The following STMND1 variants were observed in gnomAD, a reference collection of about 807,000 sequenced individuals.
STMND1 encodes the protein stathmin domain containing 1.
A neutral mutation model predicts 23.0 loss-of-function variants in STMND1; 17 were observed. The observed-to-expected ratio is 0.74, with a 90% CI of 0.51 to 1.11. The LOEUF (loss-of-function observed/expected upper bound fraction) is 1.11, where lower values mean the gene tolerates loss of function less well. STMND1 is among the 50% of genes least tolerant of loss of function. The probability of loss-of-function intolerance (pLI) is 0.00; values close to 1 mark genes in which losing one functional copy is unlikely to be tolerated. For missense variants in STMND1, 305 were observed against 329.1 expected (o/e 0.93, Z 0.57); for synonymous variants, 114 against 119.9 (o/e 0.95, Z 0.32).
At chr6:17,129,849 A>T (rs1218020108) in intron 4 of STMND1, among the ~76,000 whole-genome samples, 1 of 151,860 alleles carries the variant, frequency 6.6e-6, no homozygotes, top group Non-Finnish European at 1.5e-5. Flanking sequence ...GTCTCCAAAA[A>T]AAAGAAAAAA....
intron 1 of STMND1, among the ~76,000 whole-genome samples, chr6:17,108,449 T>C (rs1348827465): frequency 6.6e-6 from 1 of 152,190 alleles, no homozygotes; most frequent in Non-Finnish European, 1.5e-5. Flanking sequence ...CACTTGGAAA[T>C]GTTAAATGAC....
At chr6:17,109,907 A>C (rs1761075084) in intron 1 of STMND1, among the ~76,000 whole-genome samples, 1 of 152,194 alleles carries the variant, frequency 6.6e-6, no homozygotes. Context: ...AATCCTACAC[A>C]GGATTCCTGT....
At position 17,103,559 on chromosome 6, in the gene STMND1, C is replaced by T. The variant is rs76509376; in HGVS notation, c.81+1221C>T. ...ACTGCCACTGTCTCTGTATAGGGAC[C>T]CATTACCTTTTTTTTTTTTTTTTTT... On this transcript the variant is annotated intron_variant, in intron 1 of 4. Transcript: ENST00000536551. Among the ~76,000 whole-genome samples, 1,432 of 145,488 alleles carry T rather than the reference C, an allele frequency of 9.8e-3. 17 individuals are homozygous for T. The highest frequency in any genetic ancestry group is 0.033 in the African/African-American group (1,293 of 39,296).
intron 3 of STMND1, among the ~76,000 whole-genome samples, chr6:17,126,063 TATATA>T (rs1208218012): frequency 6.8e-4 from 19 of 27,822 alleles, no homozygotes; most frequent in Admixed American, 8.6e-4. Context: ...TATATATATA[TATATA>T]TATTTTTTTT....
At chr6:17,111,593 T>C (rs1761097808) in intron 1 of STMND1, among the ~76,000 whole-genome samples, 1 of 152,204 alleles carries the variant, frequency 6.6e-6, no homozygotes, top group Non-Finnish European at 1.5e-5. Flanking sequence ...GGTAGACCTA[T>C]GTATGTTGAC....
At chr6:17,116,275 A>T (rs1761159248) in intron 2 of STMND1, among the ~76,000 whole-genome samples, 1 of 152,152 alleles carries the variant, frequency 6.6e-6, no homozygotes, top group African/African-American at 2.4e-5. Flanking sequence ...ACCAAAGCAG[A>T]TGTTCCTAAA....
chr6:17,128,984 A>AT (rs1761347401), intron 3 of STMND1, 128 bp from the exon 4 acceptor site: 1 of 965,116 alleles, frequency 1.0e-6, no homozygotes, highest in South Asian at 1.8e-5. Context: ...AAGTGCCGGG[A>AT]TTACAGGCAT....
rs996263062 is a variant in STMND1, at chr6:17,129,522, C to G, written c.543+279C>G. ...GAGTAGCTAGGACTACAGGCCCATA[C>G]CACTACATGAGGCTGATTTAAAAAA... On this transcript the variant is annotated intron_variant, in intron 4 of 4. Coordinates refer to ENST00000536551, the MANE Select transcript of STMND1 (RefSeq NM_001190766.2). Among the ~76,000 whole-genome samples the G allele has an allele frequency of 4.0e-5, 6 of 148,450 alleles. No homozygotes were observed. The Admixed American group carries it at 4.1e-4, about 10-fold the overall frequency.
chr6:17,110,855 T>C (rs1761088683), intron 1 of STMND1: 1 of 455,922 alleles, frequency 2.2e-6, no homozygotes, highest in Non-Finnish European at 4.4e-6. Flanking sequence ...TTATCTCTTC[T>C]GGAGACACTG....
chr6:17,113,127 T>G (rs1216719847), intron 1 of STMND1, among the ~76,000 whole-genome samples: 1 of 152,244 alleles, frequency 6.6e-6, no homozygotes, highest in Non-Finnish European at 1.5e-5. Context: ...ATGTTAGTAG[T>G]GCTTCTGTCT....
chr6:17,112,674 G>A (rs2113479446), intron 1 of STMND1, among the ~76,000 whole-genome samples: 1 of 152,298 alleles, frequency 6.6e-6, no homozygotes, highest in Non-Finnish European at 1.5e-5. Flanking sequence ...CTACTCAGGA[G>A]GCTGAGGCAG....
At chr6:17,114,378 C>G (rs1339188252) in intron 1 of STMND1, among the ~76,000 whole-genome samples, 2 of 151,906 alleles carry the variant, frequency 1.3e-5, no homozygotes, top group African/African-American at 2.4e-5. Flanking sequence ...GATTCTCCTG[C>G]CTCAGCCTCC....
Position 17,115,010 on chromosome 6 carries a change from G to C in STMND1, c.130G>C (p.Glu44Gln), listed in dbSNP as rs889080265. The C allele has an allele frequency of 7.8e-6, 12 of 1,534,110 alleles. No homozygotes were observed. In the African/African-American group the frequency reaches 1.6e-4, roughly 21 times the overall value. ...HTGENCSPRM[E>Q]AALTKNTVDI... is the part of the protein sequence containing the mutation. Reference sequence around the variant, plus strand: ...TGGGGAAAATTGCAGCCCCCGGATGGAAGCTGCTCTGACCAAGAATACTGT... The same window carrying C: ...TGGGGAAAATTGCAGCCCCCGGATGCAAGCTGCTCTGACCAAGAATACTGT... Residue 44 changes from glutamate (E) to glutamine (Q), a missense_variant, in exon 2 of 5, where the codon GAA (glutamate) becomes CAA (glutamine). Transcript: ENST00000536551.
intron 2 of STMND1, among the ~76,000 whole-genome samples, chr6:17,120,371 A>T (rs1761216507): frequency 6.6e-6 from 1 of 152,240 alleles, no homozygotes; most frequent in Admixed American, 6.5e-5. Context: ...GCTTTTTGTT[A>T]TCTTAATATG....
At chr6:17,113,331 A>G (rs1761117514) in intron 1 of STMND1, among the ~76,000 whole-genome samples, 1 of 152,176 alleles carries the variant, frequency 6.6e-6, no homozygotes, top group African/African-American at 2.4e-5. Flanking sequence ...AAAAGAACAG[A>G]CTGGAGTTGA....
At chr6:17,124,931 C>T (rs572976412) in intron 3 of STMND1, among the ~76,000 whole-genome samples, 6 of 151,190 alleles carry the variant, frequency 4.0e-5, no homozygotes, top group African/African-American at 9.7e-5. Flanking sequence ...CCTGGAAGTT[C>T]GAGGCTGCAA....
chr6:17,127,304 C>T (rs2113494729), intron 3 of STMND1, among the ~76,000 whole-genome samples: 1 of 152,288 alleles, frequency 6.6e-6, no homozygotes, highest in African/African-American at 2.4e-5. Flanking sequence ...AATCCCAGCA[C>T]TTTGGGAGGC....
At chr6:17,129,088 A>G (rs1761348879) in intron 3 of STMND1, 24 bp from the exon 4 acceptor site, 1 of 1,532,700 alleles carries the variant, frequency 6.5e-7, no homozygotes, top group East Asian at 2.4e-5. Context: ...TTGTTTCTTC[A>G]TGTAAAAAGA....
chr6:17,119,314 G>A (rs1195365470), intron 2 of STMND1, among the ~76,000 whole-genome samples: 1 of 152,162 alleles, frequency 6.6e-6, no homozygotes, highest in Non-Finnish European at 1.5e-5. Context: ...GCTGAAGTGA[G>A]AGGCATCTGA....
Sources: allele counts gnomAD v4.1 joint callset (sites outside exome capture counted in the v4.1 genomes callset), GRCh38; gene constraint gnomAD v4.1.1; transcripts MANE v1.5; gene names NCBI Gene and HGNC (gene_info 2026-07-23, HGNC 2026-07-21).